The following TMEM132C variants were observed in gnomAD, a reference collection of about 807,000 sequenced individuals.
TMEM132C encodes transmembrane protein 132C, also known as protein phosphatase 1, regulatory subunit 152.
In TMEM132C, 29 loss-of-function variants were observed where a neutral mutation model predicts 61.4. The ratio of observed to expected loss-of-function variants is 0.47; its 90% confidence interval spans 0.35 to 0.64. TMEM132C has a LOEUF of 0.64. Among genes scored for constraint, TMEM132C ranks in the 30% least tolerant of loss-of-function variants. The probability of loss-of-function intolerance (pLI) is 0.00; values close to 1 mark genes in which losing one functional copy is unlikely to be tolerated. For synonymous variants in TMEM132C, 656 were observed against 633.1 expected (o/e 1.04, Z -0.54); for missense variants, 1,408 against 1,476.9 (o/e 0.95, Z 0.76).
intron 1 of TMEM132C, among the ~76,000 whole-genome samples, chr12:128,331,461 C>G (rs1348670365): frequency 6.6e-6 from 1 of 151,886 alleles, no homozygotes; most frequent in Non-Finnish European, 1.5e-5. Context: ...TGATTCCACT[C>G]TCTACATCAC....
intron 3 of TMEM132C, among the ~76,000 whole-genome samples, chr12:128,587,144 C>G (rs996609599): frequency 3.3e-5 from 5 of 152,248 alleles, no homozygotes; most frequent in African/African-American, 1.2e-4. Flanking sequence ...GTGGATAGCA[C>G]TGGCCAAATA....
chr12:128,520,470 G>T (rs1475278604), intron 2 of TMEM132C, among the ~76,000 whole-genome samples: 2 of 152,178 alleles, frequency 1.3e-5, no homozygotes, highest in African/African-American at 2.4e-5. Context: ...TCCACTGGCT[G>T]GGAGACAGAT....
At chr12:128,592,866 C>T (rs961228238) in intron 3 of TMEM132C, among the ~76,000 whole-genome samples, 1 of 152,204 alleles carries the variant, frequency 6.6e-6, no homozygotes, top group Non-Finnish European at 1.5e-5. Flanking sequence ...CAGGGTGAGC[C>T]GCTGCCTTTG....
chr12:128,572,294 G>A (rs56366713), intron 3 of TMEM132C, among the ~76,000 whole-genome samples: 1 of 146,250 alleles, frequency 6.8e-6, no homozygotes, highest in Non-Finnish European at 1.5e-5. Context: ...GCGTACTGTG[G>A]CCTCTGCTGA....
chr12:128,688,776 A>G (rs998435601), intron 5 of TMEM132C, among the ~76,000 whole-genome samples: 1 of 152,202 alleles, frequency 6.6e-6, no homozygotes, highest in African/African-American at 2.4e-5. Flanking sequence ...ATTTTATGGT[A>G]AAAAATAAAG....
At chr12:128,535,171 T>C (rs1873476261) in intron 2 of TMEM132C, among the ~76,000 whole-genome samples, 1 of 152,074 alleles carries the variant, frequency 6.6e-6, no homozygotes, top group Non-Finnish European at 1.5e-5. Context: ...GTGTATTTAG[T>C]GAATCATTTA....
chr12:128,320,118 T>A (rs548269252), intron 1 of TMEM132C, among the ~76,000 whole-genome samples: 1 of 152,194 alleles, frequency 6.6e-6, no homozygotes, highest in Non-Finnish European at 1.5e-5. Flanking sequence ...CGCTCCTGTT[T>A]TTGTTTCTGT....
At position 128,649,809 on chromosome 12, in the gene TMEM132C, T is replaced by C. The variant is rs146665667; in HGVS notation, c.1306-19608T>C. Among the ~76,000 whole-genome samples, 349 of 152,346 alleles carry C rather than the reference T, an allele frequency of 2.3e-3. 1 individual carries two copies. Among genetic ancestry groups the C allele is most frequent in the Non-Finnish European group, 4.2e-3 (286 of 68,036 alleles). On this transcript the variant is annotated intron_variant, in intron 4 of 8. Transcript: ENST00000435159. ...ATAGCATGAGGCATTCCAAAGATGG[T>C]GCCTGCTTAAATTGAATTGCTTTCT...
rs1872401258 is a variant in TMEM132C, at chr12:128,507,380, TTTTCTTTTTTTTTTTTTC to T, written c.975-36559_975-36542del. ...TGTGCGAAGGTTTGTCCAGGTGTTT[TTTTCTTTTTTTTTTTTTC>T]TTTCTTTTTTTTTTTTTTTTTTTAA... On this transcript the variant is annotated intron_variant, in intron 2 of 8. Transcript: ENST00000435159. 2.1e-5 allele frequency among the ~76,000 whole-genome samples: 3 copies of T among 144,404 alleles called. No homozygotes were observed. The South Asian group carries it at 6.5e-4, about 31-fold the overall frequency. The allele number at this position is 144,404 out of a possible 152,430, so 94.7% of individuals were successfully genotyped here.
intron 3 of TMEM132C, among the ~76,000 whole-genome samples, chr12:128,544,652 A>G (rs995748675): frequency 1.3e-5 from 2 of 152,216 alleles, no homozygotes; most frequent in African/African-American, 4.8e-5. Context: ...AGCGGGGGGA[A>G]TCATGTGCCA....
chr12:128,325,802 C>T (rs1249269381), intron 1 of TMEM132C, among the ~76,000 whole-genome samples: 1 of 152,114 alleles, frequency 6.6e-6, no homozygotes, highest in African/African-American at 2.4e-5. Flanking sequence ...GGAAGGATCA[C>T]CAGCAACCCG....
intron 2 of TMEM132C, among the ~76,000 whole-genome samples, chr12:128,447,104 A>G (rs1028386013): frequency 6.6e-6 from 1 of 152,166 alleles, no homozygotes; most frequent in Non-Finnish European, 1.5e-5. Context: ...AACAGCTCTC[A>G]GGGCAGTGCT....
chr12:128,557,986 G>A (rs1195411251), intron 3 of TMEM132C, among the ~76,000 whole-genome samples: 1 of 152,230 alleles, frequency 6.6e-6, no homozygotes, highest in African/African-American at 2.4e-5. Context: ...CTTCTGCGTG[G>A]AAGTCGCGCG....
Position 128,370,854 on chromosome 12 carries a change from G to T in TMEM132C, c.86-43878G>T, listed in dbSNP as rs192813578. 2.0e-5 allele frequency among the ~76,000 whole-genome samples: 3 copies of T among 152,148 alleles called. No individual in the cohort carries two copies. In the East Asian group the frequency reaches 5.8e-4, roughly 29 times the overall value. On this transcript the variant is annotated intron_variant, in intron 1 of 8. Transcript: ENST00000435159. ...TTATTCATAGAATTCAACTTATCCTGCACGGCACCAGAATAATAGCAGCTA... is the reference window on the plus strand; with the variant it reads ...TTATTCATAGAATTCAACTTATCCTTCACGGCACCAGAATAATAGCAGCTA...
intron 5 of TMEM132C, among the ~76,000 whole-genome samples, chr12:128,686,284 A>AC (rs1036001306): frequency 1.8e-4 from 27 of 152,280 alleles, no homozygotes; most frequent in African/African-American, 5.3e-4. Context: ...CGTGGTGGTT[A>AC]CCTTGGCAAC....
intron 2 of TMEM132C, among the ~76,000 whole-genome samples, chr12:128,484,395 C>T (rs1366707977): frequency 6.6e-6 from 1 of 152,164 alleles, no homozygotes; most frequent in Non-Finnish European, 1.5e-5. Flanking sequence ...CCAGCAGGCA[C>T]TGTGGATTTT....
intron 1 of TMEM132C, among the ~76,000 whole-genome samples, chr12:128,269,713 G>A (rs1300619333): frequency 6.6e-6 from 1 of 151,998 alleles, no homozygotes; most frequent in East Asian, 1.9e-4. Context: ...ATGATCAAAA[G>A]CAGCAGTTCA....
intron 1 of TMEM132C, among the ~76,000 whole-genome samples, chr12:128,374,863 GT>G (rs1447800905): frequency 1.3e-5 from 2 of 150,752 alleles, no homozygotes; most frequent in Admixed American, 1.3e-4. Flanking sequence ...GGAGGTTGCA[GT>G]GAGCCGAGAT....
chr12:128,694,073 A>G (rs1566017303), intron 6 of TMEM132C, 39 bp downstream of exon 6: 3 of 1,543,560 alleles, frequency 1.9e-6, no homozygotes, highest in African/African-American at 1.4e-5. Flanking sequence ...AGCCAAAACA[A>G]CAACTTTATT....
Sources: allele counts gnomAD v4.1 joint callset (sites outside exome capture counted in the v4.1 genomes callset), GRCh38; gene constraint gnomAD v4.1.1; transcripts MANE v1.5; gene names NCBI Gene and HGNC (gene_info 2026-07-23, HGNC 2026-07-21).